The following CCDC38 variants were observed in gnomAD, a reference collection of about 807,000 sequenced individuals.
CCDC38 encodes the protein coiled-coil domain containing 38.
Under a neutral mutation model 72.8 loss-of-function variants are expected in CCDC38, and 69 were observed. That is an observed-to-expected ratio of 0.95 (90% CI 0.78 to 1.16). The LOEUF (loss-of-function observed/expected upper bound fraction) is 1.16. Ranked by LOEUF, CCDC38 falls within the 50% of genes most tolerant of loss-of-function variation. CCDC38 has a pLI of 0.00. For missense variants in CCDC38, 626 were observed against 638.9 expected (o/e 0.98, Z 0.22); for synonymous variants, 201 against 213.2 (o/e 0.94, Z 0.50).
intron 2 of CCDC38, among the ~76,000 whole-genome samples, chr12:95,932,976 C>T (rs11108345): frequency 0.051 from 7,740 of 152,036 alleles, 664 homozygotes; most frequent in African/African-American, 0.18. Flanking sequence ...AAAAATGAGT[C>T]GGAGAAAATG....
chr12:95,887,707 T>C (rs542649698), intron 10 of CCDC38, among the ~76,000 whole-genome samples: 1 of 152,312 alleles, frequency 6.6e-6, no homozygotes, highest in Non-Finnish European at 1.5e-5. Flanking sequence ...GTTATGGTAT[T>C]TGTGCTACAG....
At chr12:95,888,384 A>G in intron 10 of CCDC38, 74 bp downstream of exon 10, 1 of 1,339,464 alleles carries the variant, frequency 7.5e-7, no homozygotes, top group Non-Finnish European at 1.1e-6. Flanking sequence ...ATATATGTTG[A>G]GAAAAGGCTT....
At chr12:95,938,874 G>A (rs1371054437) in intron 1 of CCDC38, among the ~76,000 whole-genome samples, 1 of 152,224 alleles carries the variant, frequency 6.6e-6, no homozygotes, top group Non-Finnish European at 1.5e-5. Context: ...CATAGCAAAT[G>A]CCTGAAAGTT....
chr12:95,936,635 T>C, intron 1 of CCDC38, 112 bp from the exon 2 acceptor site: 1 of 752,874 alleles, frequency 1.3e-6, no homozygotes, highest in Non-Finnish European at 2.2e-6. Flanking sequence ...TTAAAAGCAG[T>C]GAGCACACAC....
At position 95,888,509 on chromosome 12, in the gene CCDC38, G is replaced by A. The variant is rs751522581; in HGVS notation, c.872-3C>T. 3 of 1,613,894 alleles carry A rather than the reference G, an allele frequency of 1.9e-6. No individual in the cohort carries two copies. The highest frequency in any genetic ancestry group is 2.2e-5 in the South Asian group (2 of 91,074). ...AGTCAGGCTTCTGCTTGGCTTTCCT[G>A]TTCAAAATGTCCAGGTGAGGCCATG... On this transcript the variant is annotated splice_region_variant and splice_polypyrimidine_tract_variant and intron_variant, in intron 9 of 15. Transcript: ENST00000344280.
At chr12:95,918,845 A>T in intron 3 of CCDC38, 31 bp downstream of exon 3, 1 of 1,397,172 alleles carries the variant, frequency 7.2e-7, no homozygotes, top group Non-Finnish European at 1.0e-6. Context: ...TTCTAACATT[A>T]ATTGGGGTTG....
chr12:95,924,613 C>T (rs76991912), intron 2 of CCDC38, among the ~76,000 whole-genome samples: 13,919 of 150,724 alleles, frequency 0.092, 1,140 homozygotes, highest in East Asian at 0.46. Flanking sequence ...AAGTCCTTGC[C>T]CACGCCTATG....
intron 14 of CCDC38, among the ~76,000 whole-genome samples, chr12:95,871,120 G>A (rs2079576592): frequency 6.6e-6 from 1 of 152,114 alleles, no homozygotes; most frequent in East Asian, 1.9e-4. Flanking sequence ...TATCCCACTT[G>A]TAAACATTCC....
rs532029415 is a variant in CCDC38 at position 95,927,437 on chromosome 12, C to T, written c.38-8461G>A. ...TATTTTGAGCCTATGTGTGTCTCTG[C>T]ACATGAGATGGGTTTCCTGAATACA... On this transcript the variant is annotated intron_variant, in intron 2 of 15. Coordinates refer to ENST00000344280, the MANE Select transcript of CCDC38 (RefSeq NM_182496.3). 2.7e-5 allele frequency among the ~76,000 whole-genome samples: 4 copies of T among 149,328 alleles called. No homozygotes were observed. In the Admixed American group the frequency reaches 2.7e-4, roughly 10 times the overall value.
intron 13 of CCDC38, among the ~76,000 whole-genome samples, chr12:95,875,418 A>G (rs2079624818): frequency 9.0e-6 from 1 of 110,720 alleles, no homozygotes; most frequent in Non-Finnish European, 1.8e-5. Context: ...CAAAATTTTT[A>G]GGGGATTAAG....
chr12:95,917,221 T>G lies in CCDC38; in HGVS notation c.212A>C (p.Tyr71Ser). 6.2e-7 allele frequency: 1 copy of G among 1,610,104 alleles called. No individual in the cohort carries two copies. The highest frequency in any genetic ancestry group is 8.5e-7 in the Non-Finnish European group (1 of 1,179,240). ...AGGGTAGAAAGCTAGTTGGCTCAGG[T>G]ATGAATGACTCTTCATTCTGGATGA... ...TFSSRMKSHSYLSQLAFYPKR... is the reference protein window; with the variant it reads ...TFSSRMKSHSSLSQLAFYPKR... Residue 71 changes from tyrosine to serine, a missense_variant, in exon 4 of 16, where the codon TAC (tyrosine) becomes TCC (serine). Tyr to Ser is a moderately radical substitution (Grantham distance 144, BLOSUM62 -2). Coordinates refer to ENST00000344280, the MANE Select transcript of CCDC38 (RefSeq NM_182496.3).
At position 95,924,480 on chromosome 12, in the gene CCDC38, T is replaced by G. The variant is rs935539976; in HGVS notation, c.38-5504A>C. Among the ~76,000 whole-genome samples the G allele has an allele frequency of 4.9e-5, 7 of 143,846 alleles. No individual in the cohort carries two copies. The South Asian group carries it at 7.1e-4, about 14-fold the overall frequency. The allele number at this position is 143,846 out of a possible 152,430, so 94.4% of individuals were successfully genotyped here. On this transcript the variant is annotated intron_variant, in intron 2 of 15. Coordinates refer to ENST00000344280, the MANE Select transcript of CCDC38 (RefSeq NM_182496.3). Reference sequence around the variant, plus strand: ...GTAGGTTGTGAAAATTTTCTCCCATTTTGTAGGTTGCCTGTTCACTCTGAT... The same window carrying G: ...GTAGGTTGTGAAAATTTTCTCCCATGTTGTAGGTTGCCTGTTCACTCTGAT...
chr12:95,932,138 G>T (rs1483293515), intron 2 of CCDC38, among the ~76,000 whole-genome samples: 1 of 152,134 alleles, frequency 6.6e-6, no homozygotes, highest in Admixed American at 6.6e-5. Flanking sequence ...AAGGAATGTG[G>T]TCTGACCTAC....
intron 11 of CCDC38, among the ~76,000 whole-genome samples, 152 bp downstream of exon 11, chr12:95,881,329 TTATA>T (rs55743648): frequency 0.13 from 19,653 of 151,240 alleles, 1,725 homozygotes; most frequent in Non-Finnish European, 0.19. Context: ...CAAAGATAGA[TTATA>T]TATCCAATTG....
chr12:95,926,847 T>C (rs1320259209), intron 2 of CCDC38, among the ~76,000 whole-genome samples: 4 of 151,384 alleles, frequency 2.6e-5, no homozygotes, highest in South Asian at 2.1e-4. Context: ...TGTAGTTGAG[T>C]GGTTTTGAGT....
intron 2 of CCDC38, among the ~76,000 whole-genome samples, chr12:95,921,626 G>C (rs1171565915): frequency 6.6e-6 from 1 of 152,006 alleles, no homozygotes; most frequent in Non-Finnish European, 1.5e-5. Flanking sequence ...CAACACATGG[G>C]GATTACGGGT....
chr12:95,940,378 A>G (rs116554169), intron 1 of CCDC38, among the ~76,000 whole-genome samples: 403 of 152,340 alleles, frequency 2.6e-3, no homozygotes, highest in African/African-American at 9.0e-3. Context: ...TTTCTAAACC[A>G]ACTCTAAATA....
chr12:95,874,133 AAAAG>A (rs1190490517), intron 13 of CCDC38, among the ~76,000 whole-genome samples: 1 of 151,772 alleles, frequency 6.6e-6, no homozygotes, highest in African/African-American at 2.4e-5. Flanking sequence ...AGAAAAATAT[AAAAG>A]AAAATAAAAG....
chr12:95,915,967 C>G (rs2080139628), intron 4 of CCDC38, among the ~76,000 whole-genome samples: 1 of 152,204 alleles, frequency 6.6e-6, no homozygotes, highest in South Asian at 2.1e-4. Flanking sequence ...AGCCATACTT[C>G]TGAGTTATTT....
Sources: gnomAD v4.1 joint callset for allele counts (sites outside exome capture counted in the v4.1 genomes callset) on GRCh38, gnomAD v4.1.1 for gene constraint, MANE v1.5 for transcripts, NCBI Gene and HGNC (gene_info 2026-07-23, HGNC 2026-07-21) for gene names.